The following DTNBP1 variants were observed in gnomAD, a reference collection of about 807,000 sequenced individuals.
DTNBP1 encodes dysbindin.
In DTNBP1, 35 loss-of-function variants were observed where a neutral mutation model predicts 42.8. The observed-to-expected ratio is 0.82, with a 90% CI of 0.63 to 1.09. The LOEUF is 1.09. DTNBP1 is among the 50% of genes least tolerant of loss of function. The probability of loss-of-function intolerance (pLI) is 0.00; values close to 1 mark genes in which losing one functional copy is unlikely to be tolerated. For missense variants in DTNBP1, 457 were observed against 424.2 expected, an observed-to-expected ratio of 1.08 and a Z score of -0.68; for synonymous variants, 171 against 162.2, an observed-to-expected ratio of 1.05 and a Z score of -0.41.
intron 3 of DTNBP1, among the ~76,000 whole-genome samples, chr6:15,645,766 A>G (rs1028764167): frequency 6.6e-6 from 1 of 151,898 alleles, no homozygotes; most frequent in Admixed American, 6.6e-5. Flanking sequence ...CTCAACAAAC[A>G]AGGCATCAAA....
intron 7 of DTNBP1, among the ~76,000 whole-genome samples, chr6:15,571,369 T>G (rs1456649342): frequency 1.3e-5 from 2 of 152,232 alleles, no homozygotes; most frequent in Non-Finnish European, 2.9e-5. Flanking sequence ...ATTAAAAGAC[T>G]GAACAAGTAT....
chr6:15,522,947 T>C lies in DTNBP1; in HGVS notation c.*28A>G. 4 of 1,614,216 alleles carry C rather than the reference T, an allele frequency of 2.5e-6. No individual in the cohort carries two copies. Among genetic ancestry groups the C allele is most frequent in the Non-Finnish European group, 1.7e-6 (2 of 1,180,044 alleles). On this transcript the variant is annotated 3_prime_UTR_variant, in exon 10 of 10. Coordinates refer to ENST00000344537, the MANE Select transcript of DTNBP1 (RefSeq NM_032122.5). ...GCATACAGCCAAAACTGGATTCCAG[T>C]GTGGCCAGACAACGCCCATGTCCCA...
At chr6:15,553,816 G>C (rs1446079181) in intron 7 of DTNBP1, among the ~76,000 whole-genome samples, 1 of 151,972 alleles carries the variant, frequency 6.6e-6, no homozygotes, top group Non-Finnish European at 1.5e-5. Flanking sequence ...TGGCGTATTA[G>C]ATATTTGAAG....
At chr6:15,568,285 C>T (rs1775186439) in intron 7 of DTNBP1, among the ~76,000 whole-genome samples, 2 of 152,200 alleles carry the variant, frequency 1.3e-5, no homozygotes, top group South Asian at 4.1e-4. Flanking sequence ...GATATCCTTT[C>T]GTCCTCCAAT....
At chr6:15,531,086 C>T (rs537884785) in intron 8 of DTNBP1, among the ~76,000 whole-genome samples, 7 of 152,228 alleles carry the variant, frequency 4.6e-5, no homozygotes, top group East Asian at 1.9e-4. Context: ...CTGTTGGCCA[C>T]GTGCACACAT....
At chr6:15,623,279 C>A (rs999064452) in intron 5 of DTNBP1, among the ~76,000 whole-genome samples, 2 of 152,102 alleles carry the variant, frequency 1.3e-5, no homozygotes, top group South Asian at 4.1e-4. Flanking sequence ...AAATTCTGTA[C>A]AGAAAAAAGC....
intron 7 of DTNBP1, among the ~76,000 whole-genome samples, chr6:15,543,146 C>G (rs927392674): frequency 6.6e-6 from 1 of 152,180 alleles, no homozygotes; most frequent in African/African-American, 2.4e-5. Context: ...ATGACTACAA[C>G]TAGCACATTT....
intron 7 of DTNBP1, among the ~76,000 whole-genome samples, chr6:15,568,900 G>T (rs1042822262): frequency 3.3e-5 from 5 of 152,134 alleles, no homozygotes; most frequent in African/African-American, 1.2e-4. Flanking sequence ...AGTTTTTGGG[G>T]AGTCAAAAGT....
At chr6:15,612,550 T>C (rs1248585205) in intron 6 of DTNBP1, among the ~76,000 whole-genome samples, 1 of 152,238 alleles carries the variant, frequency 6.6e-6, no homozygotes, top group African/African-American at 2.4e-5. Context: ...AAATATAGAA[T>C]ACCCATTTCT....
intron 6 of DTNBP1, among the ~76,000 whole-genome samples, chr6:15,602,916 G>C (rs1254121066): frequency 1.3e-5 from 2 of 152,160 alleles, no homozygotes; most frequent in African/African-American, 4.8e-5. Flanking sequence ...CAGTTAGAGA[G>C]ACATTTATTA....
chr6:15,653,292 GA>G, intron 1 of DTNBP1, among the ~76,000 whole-genome samples: 1 of 152,282 alleles, frequency 6.6e-6, no homozygotes, highest in South Asian at 2.1e-4. Flanking sequence ...ACTCTCCCCT[GA>G]TACTTCTGAG....
chr6:15,538,090 A>G (rs866344423), intron 7 of DTNBP1, among the ~76,000 whole-genome samples: 16 of 152,108 alleles, frequency 1.1e-4, no homozygotes, highest in Middle Eastern at 6.8e-3. Context: ...TGCACTCCCT[A>G]GGCCTGGGGC....
chr6:15,533,286 C>T lies in DTNBP1; in HGVS notation c.621G>A (p.Met207Ile), dbSNP rs760702919. ...GGTAGCCAGTGGACAGGTACTGCTC[C>T]ATGTCCTGCTGGAAGGCTTCCTCAA... The part of the protein sequence containing the change: ...KFFEEAFQQD[M>I]EQYLSTGYLQ... Residue 207 changes from methionine (M) to isoleucine (I), a missense_variant, in exon 8 of 10, where the codon ATG becomes ATA. Coordinates refer to ENST00000344537, the MANE Select transcript of DTNBP1 (RefSeq NM_032122.5). 2 of 1,614,178 alleles carry T rather than the reference C, an allele frequency of 1.2e-6. No homozygotes were observed. Among genetic ancestry groups the T allele is most frequent in the Non-Finnish European group, 1.7e-6 (2 of 1,180,044 alleles).
At chr6:15,585,529 A>G (rs1196991297) in intron 7 of DTNBP1, among the ~76,000 whole-genome samples, 1 of 152,136 alleles carries the variant, frequency 6.6e-6, no homozygotes, top group Non-Finnish European at 1.5e-5. Flanking sequence ...CTTGTTGGTA[A>G]TAGAAAGAAC....
intron 5 of DTNBP1, among the ~76,000 whole-genome samples, chr6:15,619,892 T>C (rs940368395): frequency 6.6e-6 from 1 of 150,616 alleles, no homozygotes; most frequent in Non-Finnish European, 1.5e-5. Context: ...TGCTATAAAA[T>C]AGTAGGTCTT....
At chr6:15,602,114 C>T (rs1176633717) in intron 6 of DTNBP1, among the ~76,000 whole-genome samples, 2 of 152,130 alleles carry the variant, frequency 1.3e-5, no homozygotes, top group Non-Finnish European at 2.9e-5. Context: ...AAACTATCTC[C>T]AGTAGCAATT....
chr6:15,523,769 A>G (rs1395098520), intron 9 of DTNBP1: 3 of 1,287,204 alleles, frequency 2.3e-6, no homozygotes, highest in East Asian at 1.1e-4. Context: ...TGGCCTTCTC[A>G]GGATGAGGGC....
intron 3 of DTNBP1, among the ~76,000 whole-genome samples, chr6:15,640,830 T>C (rs1195295617): frequency 1.3e-5 from 2 of 152,160 alleles, no homozygotes; most frequent in Non-Finnish European, 2.9e-5. Flanking sequence ...CTGAGGTTCA[T>C]TTCAGTCGAC....
intron 7 of DTNBP1, among the ~76,000 whole-genome samples, chr6:15,553,971 C>G (rs1774368144): frequency 6.6e-6 from 1 of 152,068 alleles, no homozygotes; most frequent in African/African-American, 2.4e-5. Flanking sequence ...GTGAGAGACG[C>G]CAACCCTACA....
Sources: allele counts gnomAD v4.1 joint callset (sites outside exome capture counted in the v4.1 genomes callset), GRCh38; gene constraint gnomAD v4.1.1; transcripts MANE v1.5; gene names NCBI Gene and HGNC (gene_info 2026-07-23, HGNC 2026-07-21).